The following RYR3 variants were observed in gnomAD, a reference collection of about 807,000 sequenced individuals.
The protein encoded by RYR3 is ryanodine receptor 3, also known as brain ryanodine receptor-calcium release channel.
Under a neutral mutation model 584.3 loss-of-function variants are expected in RYR3, and 207 were observed. The ratio of observed to expected loss-of-function variants is 0.35; its 90% CI spans 0.32 to 0.40. RYR3 has a LOEUF of 0.40. Among genes scored for constraint, RYR3 ranks in the 10% least tolerant of loss-of-function variants. The pLI is 1.00. For missense variants in RYR3, 5,616 were observed against 6,089.2 expected (o/e 0.92, Z 2.59); for synonymous variants, 2,416 against 2,248.5 (o/e 1.07, Z -2.11).
intron 72 of RYR3, among the ~76,000 whole-genome samples, chr15:33,811,459 C>T (rs1321596856): frequency 6.6e-6 from 1 of 150,776 alleles, no homozygotes; most frequent in South Asian, 2.1e-4. Flanking sequence ...TGTGGTGAGC[C>T]GAGATCAGGC....
Position 33,623,811 on chromosome 15 carries a change from C to T in RYR3, c.2362C>T (p.Arg788Cys), listed in dbSNP as rs1054075332. The T allele has an allele frequency of 1.2e-6, 2 of 1,606,684 alleles. No individual in the cohort carries two copies. The highest frequency in any genetic ancestry group is 1.1e-5 in the South Asian group (1 of 90,926). Residue 788 changes from arginine to cysteine, a missense_variant, in exon 20 of 104, where the codon CGT becomes TGT. Coordinates refer to ENST00000634891, the MANE Select transcript of RYR3 (RefSeq NM_001036.6). ...TCTGCTATCTTCAAATGACAGAGTA[C>T]GTTTCCTGATGGGTGGACGTCATGG... ...VMSFSAGVKV[R>C]FLMGGRHGEF...
intron 2 of RYR3, among the ~76,000 whole-genome samples, chr15:33,503,019 T>C (rs796235398): frequency 2.5e-4 from 38 of 152,306 alleles, no homozygotes; most frequent in African/African-American, 9.1e-4. Flanking sequence ...TAGGCATGAA[T>C]GTCACGATGT....
intron 14 of RYR3, among the ~76,000 whole-genome samples, chr15:33,583,219 A>G (rs1033842374): frequency 6.6e-6 from 1 of 152,208 alleles, no homozygotes; most frequent in African/African-American, 2.4e-5. Flanking sequence ...TCCAGGGACC[A>G]TGACTCAAGA....
Position 33,662,150 on chromosome 15 carries a change from C to A in RYR3, c.4623-3C>A. On this transcript the variant is annotated splice_polypyrimidine_tract_variant and splice_region_variant and intron_variant, in intron 34 of 103. Transcript: ENST00000634891. ...TGTGGCTGATTGCTCGTCCTGTCCT[C>A]AGGTGTGTGGATATCCTGGAGCTCT... The A allele has an allele frequency of 6.3e-7, 1 of 1,583,088 alleles. No individual in the cohort carries two copies. The highest frequency in any genetic ancestry group is 1.2e-5 in the South Asian group (1 of 84,898).
At chr15:33,573,231 G>C (rs2058128246) in intron 12 of RYR3, among the ~76,000 whole-genome samples, 1 of 152,152 alleles carries the variant, frequency 6.6e-6, no homozygotes, top group African/African-American at 2.4e-5. Flanking sequence ...TGCTGAGGGG[G>C]TGTGGGCTGC....
intron 75 of RYR3, among the ~76,000 whole-genome samples, chr15:33,817,199 A>G (rs756257194): frequency 1.3e-5 from 2 of 152,134 alleles, no homozygotes; most frequent in Non-Finnish European, 2.9e-5. Flanking sequence ...AACAACTAAT[A>G]TTTCTTAAAA....
At chr15:33,787,962 G>A (rs573264211) in intron 66 of RYR3, among the ~76,000 whole-genome samples, 3 of 152,330 alleles carry the variant, frequency 2.0e-5, no homozygotes, top group East Asian at 3.9e-4. Flanking sequence ...TGAGAGGTTC[G>A]AGGGAGGCAG....
At chr15:33,652,255 G>A (rs2062521372) in intron 31 of RYR3, among the ~76,000 whole-genome samples, 1 of 152,166 alleles carries the variant, frequency 6.6e-6, no homozygotes, top group Non-Finnish European at 1.5e-5. Flanking sequence ...GTGGGCCCGA[G>A]TTTTCAAGTG....
intron 45 of RYR3, among the ~76,000 whole-genome samples, chr15:33,725,202 C>CACATAT (rs1391087187): frequency 1.3e-4 from 14 of 111,000 alleles, no homozygotes; most frequent in African/African-American, 4.3e-4. Context: ...CACACACACA[C>CACATAT]ATATATACAT....
intron 16 of RYR3, among the ~76,000 whole-genome samples, chr15:33,591,439 T>C (rs2059126869): frequency 6.6e-6 from 1 of 152,232 alleles, no homozygotes. Context: ...CATTCATACA[T>C]GTTTGTTGAA....
At chr15:33,784,001 G>A (rs10519874) in intron 65 of RYR3, among the ~76,000 whole-genome samples, 90,052 of 152,046 alleles carry the variant, frequency 0.59, 27,542 homozygotes, top group East Asian at 0.96. Context: ...CCAAGGAGGA[G>A]AGATTTTTAG....
chr15:33,623,584 C>A (rs185802277), intron 19 of RYR3, among the ~76,000 whole-genome samples: 1 of 152,292 alleles, frequency 6.6e-6, no homozygotes, highest in Non-Finnish European at 1.5e-5. Flanking sequence ...TGTTTAGGAA[C>A]TTAGCCGTGA....
chr15:33,603,071 T>G, intron 17 of RYR3, 52 bp from the exon 18 acceptor site: 1 of 1,599,290 alleles, frequency 6.3e-7, no homozygotes, highest in South Asian at 1.1e-5. Flanking sequence ...TTCAACTTGC[T>G]TTCTCAGCTT....
At chr15:33,427,482 G>C (rs2044744655) in intron 1 of RYR3, among the ~76,000 whole-genome samples, 1 of 152,176 alleles carries the variant, frequency 6.6e-6, no homozygotes, top group Admixed American at 6.5e-5. Flanking sequence ...AAAGAATGCT[G>C]CTCACAACTA....
At chr15:33,862,160 C>T (rs1279455220) in intron 102 of RYR3, among the ~76,000 whole-genome samples, 1 of 152,014 alleles carries the variant, frequency 6.6e-6, no homozygotes, top group African/African-American at 2.4e-5. Flanking sequence ...ATGCTGGGCT[C>T]TGCTCCCCAG....
chr15:33,596,786 T>C (rs980741495), intron 16 of RYR3, among the ~76,000 whole-genome samples: 1 of 152,186 alleles, frequency 6.6e-6, no homozygotes, highest in Non-Finnish European at 1.5e-5. Context: ...ATAATCTCTT[T>C]GCTATAGAAC....
At chr15:33,382,348 G>C (rs1246653149) in intron 1 of RYR3, among the ~76,000 whole-genome samples, 1 of 97,946 alleles carries the variant, frequency 1.0e-5, no homozygotes, top group Non-Finnish European at 1.8e-5. Flanking sequence ...TTTTGAGACG[G>C]AGTCTCGCTT....
intron 5 of RYR3, among the ~76,000 whole-genome samples, chr15:33,536,520 C>T (rs923731354): frequency 6.6e-6 from 1 of 152,192 alleles, no homozygotes; most frequent in African/African-American, 2.4e-5. Context: ...GCCCATCCCA[C>T]TGCTTCAGGG....
At chr15:33,821,176 A>G (rs1422398995) in intron 78 of RYR3, 94 bp from the exon 79 acceptor site, 2 of 919,568 alleles carry the variant, frequency 2.2e-6, no homozygotes, top group Non-Finnish European at 3.4e-6. Context: ...TACCTTCCTT[A>G]GGTAACTGGA....
Sources: gnomAD v4.1 joint callset for allele counts (sites outside exome capture counted in the v4.1 genomes callset) on GRCh38, gnomAD v4.1.1 for gene constraint, MANE v1.5 for transcripts, NCBI Gene and HGNC (gene_info 2026-07-23, HGNC 2026-07-21) for gene names.